The following QRSL1 variants were observed in gnomAD, a reference collection of about 807,000 sequenced individuals.
QRSL1 encodes the protein glutamyl-tRNA(Gln) amidotransferase subunit A, mitochondrial.
Under a neutral mutation model 61.6 loss-of-function variants are expected in QRSL1, and 54 were observed. The ratio of observed to expected loss-of-function variants is 0.88; its 90% confidence interval spans 0.70 to 1.10. The LOEUF (loss-of-function observed/expected upper bound fraction) is 1.10. Ranked by LOEUF, QRSL1 falls within the 50% of genes least tolerant of loss-of-function variation. QRSL1 has a pLI of 0.00. For synonymous variants in QRSL1, 228 were observed against 225.7 expected, an observed-to-expected ratio of 1.01 and a Z score of -0.09; for missense variants, 505 against 622.6, an observed-to-expected ratio of 0.81 and a Z score of 2.01.
At chr6:106,662,703 G>T (rs1777375413) in intron 9 of QRSL1, among the ~76,000 whole-genome samples, 1 of 152,148 alleles carries the variant, frequency 6.6e-6, no homozygotes, top group South Asian at 2.1e-4. Flanking sequence ...TCAACAGTCT[G>T]TTTCAGTTTT....
chr6:106,636,537 T>C (rs1455511944), intron 1 of QRSL1, among the ~76,000 whole-genome samples: 1 of 152,162 alleles, frequency 6.6e-6, no homozygotes, highest in East Asian at 1.9e-4. Flanking sequence ...GCCAGGATGG[T>C]CCTGATCTCT....
chr6:106,664,104 G>T (rs1777398868), intron 10 of QRSL1, among the ~76,000 whole-genome samples: 1 of 152,160 alleles, frequency 6.6e-6, no homozygotes, highest in Non-Finnish European at 1.5e-5. Context: ...AAACTAACAT[G>T]ATTGAAGAAT....
chr6:106,650,329 A>G (rs535975236), intron 5 of QRSL1, among the ~76,000 whole-genome samples: 1 of 152,328 alleles, frequency 6.6e-6, no homozygotes, highest in South Asian at 2.1e-4. Context: ...CAACAGTCTG[A>G]TTTTGTAGCT....
At chr6:106,642,672 T>C in intron 3 of QRSL1, 1 of 768,522 alleles carries the variant, frequency 1.3e-6, no homozygotes, top group Non-Finnish European at 2.4e-6. Flanking sequence ...CTGTTGGCAT[T>C]GTTGTAAACA....
chr6:106,632,931 T>A (rs1345599902), intron 1 of QRSL1, among the ~76,000 whole-genome samples: 1 of 152,226 alleles, frequency 6.6e-6, no homozygotes, highest in African/African-American at 2.4e-5. Context: ...TTCTTGACCT[T>A]CCTTGGCTCC....
intron 1 of QRSL1, among the ~76,000 whole-genome samples, chr6:106,634,951 A>G (rs190144406): frequency 6.6e-6 from 1 of 152,088 alleles, no homozygotes; most frequent in Non-Finnish European, 1.5e-5. Context: ...ATGTGACATC[A>G]AGATGGGAAA....
intron 8 of QRSL1, among the ~76,000 whole-genome samples, chr6:106,655,239 C>A (rs928105963): frequency 6.6e-6 from 1 of 152,176 alleles, no homozygotes; most frequent in African/African-American, 2.4e-5. Flanking sequence ...ATTGGAGTTT[C>A]TTTCTTGGTT....
At chr6:106,639,139 T>TTG (rs1776975960) in intron 1 of QRSL1, among the ~76,000 whole-genome samples, 3 of 144,420 alleles carry the variant, frequency 2.1e-5, no homozygotes, top group Middle Eastern at 3.5e-3. Flanking sequence ...TTTTTTTTTT[T>TTG]TTTTTTTGAC....
chr6:106,661,686 CTTTTTTTTTTTTTTTTTTTTTT>C (rs572306794), intron 9 of QRSL1, among the ~76,000 whole-genome samples: 2 of 55,070 alleles, frequency 3.6e-5, no homozygotes, highest in African/African-American at 6.3e-5. Flanking sequence ...ATGGTTAGTT[CTTTTTTTTTTTTTTTTTTTTTT>C]TTTTTTTTTT....
At chr6:106,658,897 T>C (rs1390634759) in intron 9 of QRSL1, among the ~76,000 whole-genome samples, 1 of 152,182 alleles carries the variant, frequency 6.6e-6, no homozygotes, top group Non-Finnish European at 1.5e-5. Context: ...TGTCTGGGAC[T>C]CTCTTCACAT....
intron 5 of QRSL1, among the ~76,000 whole-genome samples, chr6:106,650,982 C>T (rs765976135): frequency 1.3e-5 from 2 of 152,142 alleles, no homozygotes; most frequent in African/African-American, 2.4e-5. Context: ...ACCAGCCTAA[C>T]CATTTTTAAA....
chr6:106,662,200 T>G (rs1443856485), intron 9 of QRSL1, among the ~76,000 whole-genome samples: 7 of 152,204 alleles, frequency 4.6e-5, no homozygotes, highest in Non-Finnish European at 4.4e-5. Flanking sequence ...AATACAAAAT[T>G]CAAATACTGC....
intron 1 of QRSL1, 119 bp downstream of exon 1, chr6:106,629,824 C>A: frequency 8.1e-7 from 1 of 1,234,222 alleles, no homozygotes; most frequent in Non-Finnish European, 1.2e-6. Context: ...TCCTCTAGAA[C>A]TGAGTGGGGG....
intron 10 of QRSL1, among the ~76,000 whole-genome samples, chr6:106,664,905 T>C (rs72946548): frequency 0.015 from 2,309 of 152,304 alleles, 29 homozygotes; most frequent in Non-Finnish European, 0.023. Context: ...TTAGCATTCA[T>C]TGATCATCCT....
At chr6:106,630,962 C>A (rs757860007) in intron 1 of QRSL1, among the ~76,000 whole-genome samples, 4 of 152,202 alleles carry the variant, frequency 2.6e-5, no homozygotes, top group Admixed American at 6.5e-5. Flanking sequence ...CGCGGTGGCT[C>A]ACGCCTGTAA....
chr6:106,633,795 G>T (rs562359464), intron 1 of QRSL1, among the ~76,000 whole-genome samples: 1 of 152,160 alleles, frequency 6.6e-6, no homozygotes, highest in South Asian at 2.1e-4. Flanking sequence ...TAGGGAAATC[G>T]ATTCTAAATT....
At position 106,629,695 on chromosome 6, in the gene QRSL1, G is replaced by A. The variant is rs749321658; in HGVS notation, c.14G>A (p.Ser5Asn). The A allele has an allele frequency of 1.2e-6, 2 of 1,606,554 alleles. No individual in the cohort carries two copies. Among genetic ancestry groups the A allele is most frequent in the South Asian group, 1.1e-5 (1 of 89,102 alleles). ...GGCACGAGGACCATGCTGGGCCGGAGCCTCCGAGAAGTGAGTGGAATTGGC... is the reference window on the plus strand; with the variant it reads ...GGCACGAGGACCATGCTGGGCCGGAACCTCCGAGAAGTGAGTGGAATTGGC... MLGR[S>N]LREVSAALKQ... The change falls in exon 1 of 11, where the codon AGC (serine) becomes AAC (asparagine). Residue 5 changes from serine to asparagine, a missense_variant. Ser to Asn is a conservative substitution (Grantham distance 46). Coordinates refer to ENST00000369046, the MANE Select transcript of QRSL1 (RefSeq NM_018292.5).
chr6:106,647,681 C>T (rs1437841015), intron 4 of QRSL1, among the ~76,000 whole-genome samples: 62 of 101,336 alleles, frequency 6.1e-4, no homozygotes, highest in African/African-American at 2.1e-3. Context: ...GATGGAGTCT[C>T]GCTCTGTCAC....
chr6:106,638,964 T>A (rs1218873930), intron 1 of QRSL1, among the ~76,000 whole-genome samples: 1 of 152,120 alleles, frequency 6.6e-6, no homozygotes, highest in Non-Finnish European at 1.5e-5. Context: ...AGAGTAGAGA[T>A]AGAAATGGTG....
Sources: allele counts gnomAD v4.1 joint callset (sites outside exome capture counted in the v4.1 genomes callset), GRCh38; gene constraint gnomAD v4.1.1; transcripts MANE v1.5; gene names NCBI Gene and HGNC (gene_info 2026-07-23, HGNC 2026-07-21).